Variants in CDK14 observed in about 807,000 individuals in gnomAD.
The protein encoded by CDK14 is cyclin-dependent kinase 14.
A neutral mutation model predicts 60.7 loss-of-function variants in CDK14; 34 were observed. The ratio of observed to expected loss-of-function variants is 0.56; its 90% CI spans 0.43 to 0.75. The LOEUF is 0.75. Among genes scored for constraint, CDK14 ranks in the 30% least tolerant of loss-of-function variants. The pLI is 0.00. For synonymous variants in CDK14, 197 were observed against 203.7 expected (o/e 0.97, Z 0.28); for missense variants, 482 against 564.1 (o/e 0.85, Z 1.47).
rs1238674775 is a variant in CDK14, at chr7:91,208,452, A to C, written c.*1316A>C. ...GGGCAGGCCTCGCTGCAGAATGCCC[A>C]GTAGTACTGCGGCCAAGGGGACAGT... On this transcript the variant is annotated 3_prime_UTR_variant, in exon 15 of 15. Coordinates refer to ENST00000380050, the MANE Select transcript of CDK14 (RefSeq NM_001287135.2). The C allele has an allele frequency of 6.6e-6, 1 of 152,488 alleles. No individual in the cohort carries two copies. Among genetic ancestry groups the C allele is most frequent in the Non-Finnish European group, 1.5e-5 (1 of 68,068 alleles). The allele number at this position is 152,488 out of a possible 1,614,324, so 9.4% of individuals were successfully genotyped here.
At chr7:90,873,312 A>C (rs989766289) in intron 6 of CDK14, among the ~76,000 whole-genome samples, 1 of 152,162 alleles carries the variant, frequency 6.6e-6, no homozygotes, top group African/African-American at 2.4e-5. Flanking sequence ...ATAGGTCATT[A>C]AGTAATTGAT....
chr7:91,150,860 G>A (rs2115684491), intron 14 of CDK14, among the ~76,000 whole-genome samples: 1 of 152,072 alleles, frequency 6.6e-6, no homozygotes, highest in African/African-American at 2.4e-5. Flanking sequence ...TTTAAATTTT[G>A]ATTCAGATCT....
intron 2 of CDK14, among the ~76,000 whole-genome samples, chr7:90,654,308 A>T (rs1265505807): frequency 2.0e-5 from 3 of 152,206 alleles, no homozygotes; most frequent in Non-Finnish European, 4.4e-5. Context: ...TGAGAAGCAG[A>T]GTGACAGAGA....
At chr7:91,001,728 T>C (rs543373385) in intron 10 of CDK14, among the ~76,000 whole-genome samples, 16 of 152,348 alleles carry the variant, frequency 1.1e-4, no homozygotes, top group African/African-American at 3.4e-4. Context: ...CTCCTAGCAA[T>C]GTCCCAGGAA....
At chr7:90,691,548 GGGCCTTGTA>G (rs1801552990) in intron 2 of CDK14, among the ~76,000 whole-genome samples, 1 of 152,134 alleles carries the variant, frequency 6.6e-6, no homozygotes, top group South Asian at 2.1e-4. Flanking sequence ...ACATTGCACA[GGGCCTTGTA>G]GGCTGCTGTA....
chr7:91,058,587 C>A (rs1216067703), intron 11 of CDK14, among the ~76,000 whole-genome samples: 1 of 152,126 alleles, frequency 6.6e-6, no homozygotes, highest in Non-Finnish European at 1.5e-5. Context: ...CCATCAATAC[C>A]TAATTTATTG....
chr7:90,639,965 C>T (rs192579494), intron 2 of CDK14, among the ~76,000 whole-genome samples: 9 of 152,218 alleles, frequency 5.9e-5, no homozygotes, highest in East Asian at 2.0e-4. Flanking sequence ...TTTTTAAGCC[C>T]GTAGGAAAAG....
chr7:90,709,247 C>T, intron 2 of CDK14: 1 of 416,766 alleles, frequency 2.4e-6, no homozygotes, highest in East Asian at 4.2e-5. Context: ...TACACGTAGA[C>T]ACCATTTTAG....
At chr7:90,747,376 A>G (rs774649952) in intron 3 of CDK14, among the ~76,000 whole-genome samples, 2 of 152,154 alleles carry the variant, frequency 1.3e-5, no homozygotes, top group Non-Finnish European at 2.9e-5. Context: ...ATATAGTGCA[A>G]TTTCATTTAT....
chr7:90,845,062 T>C (rs1392627801), intron 5 of CDK14, among the ~76,000 whole-genome samples: 1 of 152,198 alleles, frequency 6.6e-6, no homozygotes, highest in East Asian at 1.9e-4. Flanking sequence ...GTTCCTTTTT[T>C]GTGATTGTCT....
rs368439735 is a variant in CDK14 at position 91,147,671 on chromosome 7, A to C, written c.*28+29463A>C. Among the ~76,000 whole-genome samples, 46 of 152,254 alleles carry C rather than the reference A, an allele frequency of 3.0e-4. No homozygotes were observed. The South Asian group carries it at 8.7e-3, about 29-fold the overall frequency. On this transcript the variant is annotated intron_variant, in intron 14 of 14. Transcript: ENST00000380050. ...ACAATTATATTGCACTTTATTGTAG[A>C]TACTGTCTACTTGCTATATTTGAAG...
chr7:91,104,016 C>T (rs1799217016), intron 12 of CDK14, among the ~76,000 whole-genome samples: 1 of 152,108 alleles, frequency 6.6e-6, no homozygotes, highest in Non-Finnish European at 1.5e-5. Flanking sequence ...ACTCTGAATT[C>T]AGTAGGGATT....
intron 14 of CDK14, among the ~76,000 whole-genome samples, chr7:91,186,196 C>T (rs1453453530): frequency 4.5e-4 from 2 of 4,402 alleles, no homozygotes; most frequent in African/African-American, 1.6e-3. Context: ...TCCTCTCCTC[C>T]CCTCCCCTCT....
At chr7:90,610,936 G>C (rs147449996) in intron 2 of CDK14, among the ~76,000 whole-genome samples, 1 of 152,234 alleles carries the variant, frequency 6.6e-6, no homozygotes, top group Non-Finnish European at 1.5e-5. Context: ...ACTTCTTAGA[G>C]CCCTTAATAC....
chr7:90,761,506 T>TA (rs1164490316), intron 4 of CDK14, among the ~76,000 whole-genome samples: 1 of 152,192 alleles, frequency 6.6e-6, no homozygotes, highest in Non-Finnish European at 1.5e-5. Flanking sequence ...GCTTTATTGT[T>TA]ACTGTCATCC....
At chr7:90,611,058 G>A (rs534784820) in intron 2 of CDK14, among the ~76,000 whole-genome samples, 1 of 151,952 alleles carries the variant, frequency 6.6e-6, no homozygotes, top group African/African-American at 2.4e-5. Flanking sequence ...CCTTTGTTTT[G>A]TTCCAGGCCA....
chr7:90,664,924 A>C (rs1434264244), intron 2 of CDK14, among the ~76,000 whole-genome samples: 1 of 152,114 alleles, frequency 6.6e-6, no homozygotes, highest in East Asian at 1.9e-4. Context: ...ATGTACTGTA[A>C]AACTTAAAGT....
intron 8 of CDK14, among the ~76,000 whole-genome samples, chr7:90,940,218 T>C (rs1243870734): frequency 2.0e-5 from 3 of 152,234 alleles, no homozygotes; most frequent in African/African-American, 4.8e-5. Context: ...AGTTTTCTTA[T>C]GCATCTTTCC....
At chr7:90,747,589 CAGAG>C (rs1484550799) in intron 3 of CDK14, 88 bp from the exon 4 acceptor site, 8 of 702,698 alleles carry the variant, frequency 1.1e-5, no homozygotes, top group Non-Finnish European at 1.9e-5. Context: ...TAAAAAGTGA[CAGAG>C]AATCTGTACA....
Sources: gnomAD v4.1 joint callset for allele counts (sites outside exome capture counted in the v4.1 genomes callset) on GRCh38, gnomAD v4.1.1 for gene constraint, MANE v1.5 for transcripts, NCBI Gene and HGNC (gene_info 2026-07-23, HGNC 2026-07-21) for gene names.